The following PTBP3 variants were observed in gnomAD, a reference collection of about 807,000 sequenced individuals.
The protein encoded by PTBP3 is polypyrimidine tract binding protein 3, also known as polypyrimidine tract-binding protein 3.
A neutral mutation model predicts 58.7 loss-of-function variants in PTBP3; 20 were observed. The ratio of observed to expected loss-of-function variants is 0.34; its 90% CI spans 0.24 to 0.50. The LOEUF (loss-of-function observed/expected upper bound fraction) is 0.50, where lower values mean the gene tolerates loss of function less well. Among genes scored for constraint, PTBP3 ranks in the 20% least tolerant of loss-of-function variants. PTBP3 has a pLI of 0.98. For synonymous variants in PTBP3, 185 were observed against 219.8 expected, an observed-to-expected ratio of 0.84 and a Z score of 1.40; for missense variants, 509 against 637.2, an observed-to-expected ratio of 0.80 and a Z score of 2.17.
At chr9:112,234,323 C>T (rs1019883304) in intron 8 of PTBP3, among the ~76,000 whole-genome samples, 2 of 152,150 alleles carry the variant, frequency 1.3e-5, no homozygotes, top group South Asian at 2.1e-4. Context: ...AGCATGCATA[C>T]CCCTCTATCG....
the PTBP3 span, among the ~76,000 whole-genome samples, chr9:112,352,170 C>G: frequency 1.3e-5 from 2 of 152,156 alleles, no homozygotes; most frequent in African/African-American, 4.8e-5. Context: ...AATACTCCCA[C>G]CTGGACTTCC....
In PTBP3 at chr9:112,234,823, T is replaced by C; in HGVS notation, c.877A>G (p.Thr293Ala). 6.2e-7 allele frequency: 1 copy of C among 1,609,646 alleles called. No individual in the cohort carries two copies. Among genetic ancestry groups the C allele is most frequent in the Non-Finnish European group, 8.5e-7 (1 of 1,176,234 alleles). The change falls in exon 8 of 14, where the codon ACA becomes GCA. Residue 293 changes from threonine to alanine, a missense_variant. By Grantham distance (58) the Thr-to-Ala change is moderately conservative. Around this residue, in one of 4 missense-constraint regions of PTBP3, gnomAD observed 121 missense variants for 114.8 expected, o/e 1.05. Coordinates refer to ENST00000374257, the MANE Select transcript of PTBP3 (RefSeq NM_001163788.4). ...AAATCCAACTTAAAAGAATCACCTGTAGCTTGAGGAAATCCAATGGCTGGG... is the reference window on the plus strand; with the variant it reads ...AAATCCAACTTAAAAGAATCACCTGCAGCTTGAGGAAATCCAATGGCTGGG... Reference protein sequence around the residue: ...FAPAIGFPQATGLSVPAVPGA... With the variant: ...FAPAIGFPQAAGLSVPAVPGA...
At chr9:112,337,145 T>G (rs1303872534), upstream of PTBP3, among the ~76,000 whole-genome samples, 1 of 152,220 alleles carries the variant, frequency 6.6e-6, no homozygotes, top group Admixed American at 6.5e-5. Context: ...TTCTCCTGCC[T>G]TAGCCTCCCT....
intron 1 of PTBP3, among the ~76,000 whole-genome samples, chr9:112,329,323 GA>G (rs1185340644): frequency 6.6e-6 from 1 of 152,054 alleles, no homozygotes; most frequent in South Asian, 2.1e-4. Flanking sequence ...TGAGGCAGAA[GA>G]ATCACTTGAA....
intron 3 of PTBP3, among the ~76,000 whole-genome samples, chr9:112,273,289 T>C (rs1456282554): frequency 1.3e-5 from 2 of 152,256 alleles, no homozygotes; most frequent in African/African-American, 2.4e-5. Flanking sequence ...TGATGTACTT[T>C]GAAGCCATTA....
At chr9:112,252,571 G>T in intron 6 of PTBP3, 107 bp downstream of exon 6, 1 of 779,776 alleles carries the variant, frequency 1.3e-6, no homozygotes, top group African/African-American at 1.8e-5. Context: ...TGGTAAACAT[G>T]TATATTTTGC....
rs186111870 is a variant in PTBP3 at position 112,276,541 on chromosome 9, T to A, written c.35-528A>T. On this transcript the variant is annotated intron_variant, in intron 2 of 13. Transcript: ENST00000374257. ...AGTCTTTATTTTTTAGAAGCTAAAC[T>A]GTGGTTTCCTATGATAATCTTATTC... Among the ~76,000 whole-genome samples, 603 of 152,144 alleles carry A rather than the reference T, an allele frequency of 4.0e-3. 4 individuals carry two copies. The highest frequency in any genetic ancestry group is 0.014 in the African/African-American group (584 of 41,578).
intron 10 of PTBP3, among the ~76,000 whole-genome samples, chr9:112,229,533 C>A (rs1835120563): frequency 6.7e-6 from 1 of 149,716 alleles, no homozygotes; most frequent in Admixed American, 6.7e-5. Flanking sequence ...CCACCGCACT[C>A]CAGCCTGGGC....
chr9:112,339,251 A>G, the PTBP3 span, among the ~76,000 whole-genome samples: 2 of 138,848 alleles, frequency 1.4e-5, no homozygotes, highest in Non-Finnish European at 3.0e-5. Flanking sequence ...AGATCGTGAC[A>G]CTGCACTCCA....
At chr9:112,250,861 C>T in intron 7 of PTBP3, 68 bp downstream of exon 7, 1 of 1,385,800 alleles carries the variant, frequency 7.2e-7, no homozygotes, top group Non-Finnish European at 9.5e-7. Context: ...TATAAACATA[C>T]ATGGCTTAAT....
upstream of PTBP3, among the ~76,000 whole-genome samples, chr9:112,336,142 G>A (rs1048743372): frequency 2.0e-5 from 3 of 152,004 alleles, no homozygotes; most frequent in African/African-American, 4.8e-5. Context: ...CCAAAGTGCT[G>A]GGATTATAGG....
intron 5 of PTBP3, among the ~76,000 whole-genome samples, chr9:112,256,760 C>T (rs751175786): frequency 4.6e-5 from 7 of 151,978 alleles, no homozygotes; most frequent in South Asian, 2.1e-4. Flanking sequence ...TGACCTCACA[C>T]GATTCTCCTA....
the PTBP3 span, among the ~76,000 whole-genome samples, chr9:112,339,615 G>A: frequency 6.8e-6 from 1 of 146,526 alleles, no homozygotes; most frequent in African/African-American, 2.5e-5. Context: ...CCAGGTTGCT[G>A]TGCAGTGGAA....
intron 2 of PTBP3, among the ~76,000 whole-genome samples, chr9:112,278,836 A>G (rs1827734405): frequency 6.6e-6 from 1 of 152,346 alleles, no homozygotes; most frequent in African/African-American, 2.4e-5. Flanking sequence ...TCTTTTCAAT[A>G]TATTTTAAAT....
At chr9:112,368,477 C>T in the PTBP3 span, among the ~76,000 whole-genome samples, 3 of 151,966 alleles carry the variant, frequency 2.0e-5, no homozygotes, top group Non-Finnish European at 4.4e-5. Flanking sequence ...AGCCCAGGTA[C>T]CTTATCTTCA....
At chr9:112,357,532 A>G in the PTBP3 span, among the ~76,000 whole-genome samples, 1 of 152,034 alleles carries the variant, frequency 6.6e-6, no homozygotes, top group Non-Finnish European at 1.5e-5. Context: ...TATTTTTTAT[A>G]GAGACAGGGT....
At chr9:112,339,990 G>C in the PTBP3 span, among the ~76,000 whole-genome samples, 1 of 151,122 alleles carries the variant, frequency 6.6e-6, no homozygotes, top group African/African-American at 2.4e-5. Context: ...CTTGAGACAG[G>C]GTATCGCTCT....
chr9:112,280,521 GT>G (rs1827809206), intron 2 of PTBP3, among the ~76,000 whole-genome samples: 2 of 152,322 alleles, frequency 1.3e-5, no homozygotes, highest in Admixed American at 1.3e-4. Context: ...CTAAGCTGTA[GT>G]TTCATACCTT....
At chr9:112,297,967 T>C (rs1828766089) in intron 1 of PTBP3, 51 bp from the exon 2 acceptor site, 1 of 1,393,840 alleles carries the variant, frequency 7.2e-7, no homozygotes, top group Middle Eastern at 1.8e-4. Flanking sequence ...TAGATAATGG[T>C]CCATATTTAC....
Sources: allele counts gnomAD v4.1 joint callset (sites outside exome capture counted in the v4.1 genomes callset), GRCh38; gene constraint gnomAD v4.1.1; regional missense constraint gnomAD v4.1.1; transcripts MANE v1.5; gene names NCBI Gene and HGNC (gene_info 2026-07-23, HGNC 2026-07-21).